The following IQGAP2 variants were observed in gnomAD, a reference collection of about 807,000 sequenced individuals.
IQGAP2 encodes the protein IQ motif containing GTPase activating protein 2.
In IQGAP2, 173 loss-of-function variants were observed where a neutral mutation model predicts 201.3. That is an observed-to-expected ratio of 0.86 (90% CI 0.76 to 0.98). IQGAP2 has a LOEUF of 0.98. Ranked by LOEUF, IQGAP2 falls within the 50% of genes least tolerant of loss-of-function variation. IQGAP2 has a pLI of 0.00. For missense variants in IQGAP2, 1,687 were observed against 1,864.8 expected (o/e 0.90, Z 1.76); for synonymous variants, 675 against 673.9 (o/e 1.00, Z -0.03).
intron 2 of IQGAP2, among the ~76,000 whole-genome samples, chr5:76,528,560 A>G (rs1001032828): frequency 2.6e-5 from 4 of 152,310 alleles, no homozygotes; most frequent in Admixed American, 2.0e-4. Flanking sequence ...AAGTTGATCC[A>G]GGCTTATGGA....
chr5:76,409,671 TG>T (rs1385537547), intron 1 of IQGAP2, among the ~76,000 whole-genome samples: 1 of 152,248 alleles, frequency 6.6e-6, no homozygotes, highest in Non-Finnish European at 1.5e-5. Flanking sequence ...TATAGTGATG[TG>T]CCCCAGTGAT....
At chr5:76,526,004 CA>C (rs1242903615) in intron 2 of IQGAP2, among the ~76,000 whole-genome samples, 3 of 152,174 alleles carry the variant, frequency 2.0e-5, no homozygotes. Context: ...GAGGCTAATG[CA>C]AAGTAAAATG....
intron 1 of IQGAP2, among the ~76,000 whole-genome samples, chr5:76,408,374 G>A (rs3886042): frequency 0.43 from 65,461 of 151,944 alleles, 14,958 homozygotes; most frequent in Non-Finnish European, 0.5. Flanking sequence ...GGCTCATTAT[G>A]GCCTTTGAGA....
chr5:76,468,626 G>A (rs951035516), intron 2 of IQGAP2, among the ~76,000 whole-genome samples: 2 of 152,048 alleles, frequency 1.3e-5, no homozygotes, highest in African/African-American at 4.8e-5. Context: ...TCCTTTATCT[G>A]TCTTATAGTC....
chr5:76,624,954 A>T (rs1378419821), intron 13 of IQGAP2, among the ~76,000 whole-genome samples: 2 of 152,156 alleles, frequency 1.3e-5, no homozygotes, highest in Non-Finnish European at 2.9e-5. Context: ...GGCGCCTGTT[A>T]TCCCAGCTAC....
intron 3 of IQGAP2, among the ~76,000 whole-genome samples, chr5:76,563,991 T>TTTTTTTTTTTTTTTTTTTTTTGAGGCGG (rs1744562142): frequency 3.3e-5 from 5 of 152,150 alleles, no homozygotes; most frequent in African/African-American, 1.2e-4. Context: ...TCTGTTTTTC[T>TTTTTTTTTTTTTTTTTTTTTTGAGGCGG]AGTCTGGTCA....
At chr5:76,664,388 C>A (rs1382036610) in intron 21 of IQGAP2, among the ~76,000 whole-genome samples, 2 of 152,106 alleles carry the variant, frequency 1.3e-5, no homozygotes, top group Admixed American at 6.6e-5. Context: ...ATAGTAACAT[C>A]GAAGATCACT....
chr5:76,443,978 C>T (rs369541728), intron 1 of IQGAP2, among the ~76,000 whole-genome samples: 283 of 152,282 alleles, frequency 1.9e-3, no homozygotes, highest in African/African-American at 6.6e-3. Context: ...AAAGTTGGCT[C>T]AGTTTCGTCT....
At chr5:76,576,306 C>G (rs1745472430) in intron 5 of IQGAP2, among the ~76,000 whole-genome samples, 2 of 152,146 alleles carry the variant, frequency 1.3e-5, no homozygotes, top group South Asian at 4.1e-4. Context: ...TTAGTCAAAT[C>G]AAGACACATT....
intron 16 of IQGAP2, among the ~76,000 whole-genome samples, chr5:76,638,892 A>C (rs1035024982): frequency 2.0e-5 from 3 of 152,176 alleles, no homozygotes; most frequent in Admixed American, 6.5e-5. Flanking sequence ...CTTTGTCTGA[A>C]GTTGGTGGGC....
At chr5:76,607,767 A>G (rs72777530) in intron 12 of IQGAP2, 2,495 of 152,260 alleles carry the variant, frequency 0.016, 43 homozygotes, top group Non-Finnish European at 0.021. Flanking sequence ...CTTCTCCACA[A>G]CCTCCGTCTT....
chr5:76,650,717 C>T (rs952908682), intron 17 of IQGAP2, among the ~76,000 whole-genome samples: 11 of 152,250 alleles, frequency 7.2e-5, no homozygotes, highest in African/African-American at 2.2e-4. Context: ...TGGTTTGCTG[C>T]GCCCACTAAC....
chr5:76,489,130 C>G (rs1334128249), intron 2 of IQGAP2, among the ~76,000 whole-genome samples: 1 of 152,192 alleles, frequency 6.6e-6, no homozygotes, highest in African/African-American at 2.4e-5. Context: ...CCCTCCGTGC[C>G]TCGCAGTGGT....
intron 28 of IQGAP2, among the ~76,000 whole-genome samples, chr5:76,681,874 C>T (rs962952346): frequency 2.6e-5 from 4 of 152,098 alleles, no homozygotes; most frequent in African/African-American, 7.2e-5. Flanking sequence ...TATATTCATA[C>T]AATACAATAT....
chr5:76,703,549 C>T (rs1219971589), intron 35 of IQGAP2, among the ~76,000 whole-genome samples: 2 of 149,874 alleles, frequency 1.3e-5, no homozygotes, highest in African/African-American at 4.9e-5. Context: ...GATATCTATA[C>T]ATAGAAAAAT....
intron 4 of IQGAP2, among the ~76,000 whole-genome samples, chr5:76,575,380 C>T (rs887065049): frequency 9.9e-5 from 15 of 152,192 alleles, no homozygotes; most frequent in African/African-American, 3.6e-4. Flanking sequence ...CTACAGGAGG[C>T]AGAGCCCACA....
chr5:76,404,275 G>C (rs538559760), intron 1 of IQGAP2: 6 of 163,218 alleles, frequency 3.7e-5, no homozygotes, highest in African/African-American at 1.4e-4. Context: ...TGACTTGAAC[G>C]AGATGGTGTC....
intron 1 of IQGAP2, among the ~76,000 whole-genome samples, chr5:76,433,113 C>T (rs1004533114): frequency 6.6e-6 from 1 of 152,042 alleles, no homozygotes; most frequent in Non-Finnish European, 1.5e-5. Context: ...CTGGGAGGTA[C>T]CCCAAATACT....
intron 5 of IQGAP2, among the ~76,000 whole-genome samples, chr5:76,582,836 T>C (rs932541040): frequency 3.3e-5 from 5 of 152,192 alleles, no homozygotes; most frequent in African/African-American, 1.2e-4. Context: ...CACTAAATGG[T>C]ATTTTTTAAA....
Sources: allele counts gnomAD v4.1 joint callset (sites outside exome capture counted in the v4.1 genomes callset), GRCh38; gene constraint gnomAD v4.1.1; transcripts MANE v1.5; gene names NCBI Gene and HGNC (gene_info 2026-07-23, HGNC 2026-07-21).